The following CSMD1 variants were observed in gnomAD, a reference collection of about 807,000 sequenced individuals.
CSMD1 encodes CUB and Sushi multiple domains 1.
CSMD1 carries 213 observed loss-of-function variants against 417.5 expected under a neutral mutation model. The ratio of observed to expected loss-of-function variants is 0.51; its 90% CI spans 0.46 to 0.57. The LOEUF is 0.57. Ranked by LOEUF, CSMD1 falls within the 20% of genes least tolerant of loss-of-function variation. CSMD1 has a pLI of 0.00. For missense variants in CSMD1, 6,923 were observed against 4,529.7 expected, an observed-to-expected ratio of 1.53 and a Z score of -15.17; for synonymous variants, 2,862 against 1,736.8, an observed-to-expected ratio of 1.65 and a Z score of -16.11.
chr8:3,314,846 A>G (rs541555250), intron 23 of CSMD1, among the ~76,000 whole-genome samples: 34 of 152,346 alleles, frequency 2.2e-4, no homozygotes, highest in African/African-American at 7.7e-4. Flanking sequence ...TTGTGTTTCA[A>G]GAGAACCGGC....
At chr8:3,475,948 G>C (rs907085331) in intron 11 of CSMD1, among the ~76,000 whole-genome samples, 1 of 152,166 alleles carries the variant, frequency 6.6e-6, no homozygotes, top group Admixed American at 6.6e-5. Flanking sequence ...TTGGTTACTT[G>C]TCATTTTACT....
At chr8:3,678,543 G>C (rs772374438) in intron 7 of CSMD1, among the ~76,000 whole-genome samples, 2 of 152,172 alleles carry the variant, frequency 1.3e-5, no homozygotes, top group Non-Finnish European at 2.9e-5. Context: ...TATGTGAAAA[G>C]ACCAAATCTA....
intron 51 of CSMD1, among the ~76,000 whole-genome samples, chr8:3,023,150 G>T (rs1258090717): frequency 6.6e-6 from 1 of 152,162 alleles, no homozygotes; most frequent in African/African-American, 2.4e-5. Context: ...GATAAACACA[G>T]GCTCCCATAC....
Position 3,795,942 on chromosome 8 carries a change from G to T in CSMD1, c.819-41900C>A, listed in dbSNP as rs187486714. Among the ~76,000 whole-genome samples, 38 of 27,904 alleles carry T rather than the reference G, an allele frequency of 1.4e-3. 8 individuals carry two copies. The East Asian group carries it at 0.017, about 13-fold the overall frequency. 18.3% of individuals were successfully genotyped at this position (27,904 alleles called of 152,430 possible). A position where few individuals can be genotyped will look rare whatever the true frequency, so the allele number is the denominator to read the frequency against. The stretch of plus-strand genomic sequence containing the variant: ...TAGATATCTATCATGTACAGATATA[G>T]ATATCTATCATGTACAGATATAGAT... On this transcript the variant is annotated intron_variant, in intron 5 of 69. Coordinates refer to ENST00000635120, the MANE Select transcript of CSMD1 (RefSeq NM_033225.6).
At chr8:4,062,128 C>T (rs998230175) in intron 3 of CSMD1, among the ~76,000 whole-genome samples, 1 of 151,976 alleles carries the variant, frequency 6.6e-6, no homozygotes, top group Admixed American at 6.6e-5. Context: ...AGCAGAGGGT[C>T]AGTGGAGGCT....
intron 3 of CSMD1, among the ~76,000 whole-genome samples, chr8:4,061,578 G>C (rs772256076): frequency 6.6e-6 from 1 of 152,146 alleles, no homozygotes; most frequent in African/African-American, 2.4e-5. Flanking sequence ...CTTGACTATG[G>C]TAAGGAAGTT....
chr8:3,931,549 T>A (rs1395648532), intron 5 of CSMD1, among the ~76,000 whole-genome samples: 1 of 150,196 alleles, frequency 6.7e-6, no homozygotes, highest in Non-Finnish European at 1.5e-5. Flanking sequence ...TTTAACAAAC[T>A]TCTTGTGGAG....
intron 3 of CSMD1, among the ~76,000 whole-genome samples, chr8:4,403,234 G>C (rs575621125): frequency 1.3e-5 from 2 of 152,138 alleles, no homozygotes; most frequent in African/African-American, 2.4e-5. Flanking sequence ...AGAATATAAA[G>C]ATCATTTCTC....
chr8:4,003,339 G>C (rs554079477), intron 4 of CSMD1, among the ~76,000 whole-genome samples: 1 of 152,162 alleles, frequency 6.6e-6, no homozygotes, highest in African/African-American at 2.4e-5. Flanking sequence ...CTTGCAGTGA[G>C]CAGAGATTGC....
chr8:3,505,015 T>TA (rs34809370), intron 10 of CSMD1, among the ~76,000 whole-genome samples: 219 of 150,102 alleles, frequency 1.5e-3, no homozygotes, highest in Non-Finnish European at 8.0e-4. Flanking sequence ...GAGAAACAGT[T>TA]AAAAAAAAAA....
intron 50 of CSMD1, among the ~76,000 whole-genome samples, chr8:3,039,359 C>CTCTCTCCCTCCCT (rs1810922370): frequency 2.7e-5 from 4 of 146,658 alleles, no homozygotes; most frequent in African/African-American, 1.1e-4. Context: ...TCCTTCCTTC[C>CTCTCTCCCTCCCT]TCCTTTACTT....
At chr8:4,773,348 CTTT>C (rs1796690594) in intron 1 of CSMD1, among the ~76,000 whole-genome samples, 1 of 152,114 alleles carries the variant, frequency 6.6e-6, no homozygotes, top group Non-Finnish European at 1.5e-5. Context: ...TGACTGGTGG[CTTT>C]TTGTTTCAGG....
chr8:3,210,922 T>A (rs146670235), intron 30 of CSMD1, among the ~76,000 whole-genome samples: 122 of 152,122 alleles, frequency 8.0e-4, no homozygotes, highest in African/African-American at 2.8e-3. Flanking sequence ...CCTACTTTTA[T>A]CTCCCTCACA....
At chr8:4,684,610 T>C (rs1234038646) in intron 1 of CSMD1, among the ~76,000 whole-genome samples, 1 of 152,188 alleles carries the variant, frequency 6.6e-6, no homozygotes, top group East Asian at 1.9e-4. Flanking sequence ...TGAACCCTCT[T>C]TTGAAAATTA....
intron 5 of CSMD1, among the ~76,000 whole-genome samples, chr8:3,974,674 CTT>C (rs35314971): frequency 7.5e-5 from 11 of 147,544 alleles, no homozygotes; most frequent in South Asian, 2.1e-4. Context: ...GCGTGCAGCT[CTT>C]TTTTTTTTTA....
At chr8:3,595,854 G>A (rs1801066625) in intron 8 of CSMD1, among the ~76,000 whole-genome samples, 1 of 152,206 alleles carries the variant, frequency 6.6e-6, no homozygotes, top group Non-Finnish European at 1.5e-5. Context: ...TTTGCACACT[G>A]TGTGAACGTG....
chr8:4,122,267 G>A (rs987589914), intron 3 of CSMD1, among the ~76,000 whole-genome samples: 1 of 152,062 alleles, frequency 6.6e-6, no homozygotes, highest in African/African-American at 2.4e-5. Context: ...CATTTCTTAA[G>A]ACCTGGTTAT....
intron 2 of CSMD1, among the ~76,000 whole-genome samples, chr8:4,614,783 C>A (rs1801382573): frequency 6.6e-6 from 1 of 151,980 alleles, no homozygotes; most frequent in African/African-American, 2.4e-5. Context: ...TACAATATGT[C>A]TGTAGAATTT....
In CSMD1 at chr8:4,465,417, C is replaced by T. The variant is rs146884319; in HGVS notation, c.303-45352G>A. Among the ~76,000 whole-genome samples the T allele has an allele frequency of 2.6e-5, 4 of 152,182 alleles. No homozygotes were observed. The East Asian group carries it at 7.7e-4, about 29-fold the overall frequency. On this transcript the variant is annotated intron_variant, in intron 2 of 69. Transcript: ENST00000635120. ...AGTCTATTTCATCATGCTGAAGGAG[C>T]CTTGTACGTTCACCATTGACACCAT...
Sources: gnomAD v4.1 joint callset for allele counts (sites outside exome capture counted in the v4.1 genomes callset) on GRCh38, gnomAD v4.1.1 for gene constraint, MANE v1.5 for transcripts, NCBI Gene and HGNC (gene_info 2026-07-23, HGNC 2026-07-21) for gene names.